The following BLTP1 variants were observed in gnomAD, a reference collection of about 807,000 sequenced individuals.
BLTP1 encodes the protein fragile site-associated protein.
the BLTP1 span, chr4:122,197,830 G>A: frequency 3.3e-6 from 1 of 305,478 alleles, no homozygotes; most frequent in Non-Finnish European, 4.8e-6. Flanking sequence ...TCATGCACTT[G>A]AAATATGGGC....
the BLTP1 span, chr4:122,229,777 C>T: frequency 1.0e-6 from 1 of 957,072 alleles, no homozygotes. Context: ...TTGTCCCTTT[C>T]CCATTTTTTC....
At chr4:122,279,292 T>A in the BLTP1 span, among the ~76,000 whole-genome samples, 1 of 152,164 alleles carries the variant, frequency 6.6e-6, no homozygotes, top group African/African-American at 2.4e-5. Flanking sequence ...GAAGATAAAA[T>A]TTTTCCTTGC....
the BLTP1 span, chr4:122,355,738 T>C: frequency 6.6e-7 from 1 of 1,512,766 alleles, no homozygotes; most frequent in Middle Eastern, 1.8e-4. Context: ...GAAAGCTATA[T>C]AGGCTTGTCA....
the BLTP1 span, chr4:122,271,130 A>G: frequency 1.2e-6 from 2 of 1,613,956 alleles, no homozygotes; most frequent in Non-Finnish European, 1.7e-6. Context: ...TCAGAACTCT[A>G]CCAGTGCCCT....
chr4:122,230,769 C>CTTCCCCATT, the BLTP1 span, among the ~76,000 whole-genome samples: 1 of 152,116 alleles, frequency 6.6e-6, no homozygotes, highest in Non-Finnish European at 1.5e-5. Context: ...CCATCCCCAT[C>CTTCCCCATT]TTCCCCATTG....
At chr4:122,291,541 A>G in the BLTP1 span, among the ~76,000 whole-genome samples, 9,802 of 152,290 alleles carry the variant, frequency 0.064, 888 homozygotes, top group African/African-American at 0.2. Context: ...TAATGTTCAT[A>G]ACAATCATCA....
the BLTP1 span, among the ~76,000 whole-genome samples, chr4:122,234,519 T>C: frequency 6.6e-6 from 1 of 152,150 alleles, no homozygotes; most frequent in African/African-American, 2.4e-5. Flanking sequence ...CTTTGGGCTT[T>C]TTAATGTATG....
the BLTP1 span, among the ~76,000 whole-genome samples, chr4:122,300,082 T>C: frequency 1.3e-5 from 2 of 152,182 alleles, no homozygotes; most frequent in South Asian, 4.1e-4. Context: ...CTCGGCTCAC[T>C]GCAACTTCTG....
chr4:122,348,730 G>T, the BLTP1 span: 2 of 1,512,622 alleles, frequency 1.3e-6, no homozygotes. Context: ...AAGCTATTCA[G>T]ATACAAAGGA....
At chr4:122,194,117 C>T in the BLTP1 span, among the ~76,000 whole-genome samples, 3,206 of 152,258 alleles carry the variant, frequency 0.021, 30 homozygotes, top group Non-Finnish European at 0.03. Context: ...CCGCTTCGGC[C>T]TCTCAAAGTG....
chr4:122,175,385 C>A, the BLTP1 span: 2 of 527,286 alleles, frequency 3.8e-6, no homozygotes, highest in Non-Finnish European at 4.8e-6. Context: ...AAGGAACATC[C>A]TTAAAAGTTT....
chr4:122,153,062 C>G, the BLTP1 span: 6 of 982,974 alleles, frequency 6.1e-6, no homozygotes, highest in Non-Finnish European at 7.2e-6. Flanking sequence ...GCTTGCTGCA[C>G]TGCACTCTAG....
the BLTP1 span, chr4:122,349,574 T>C: frequency 6.2e-7 from 1 of 1,612,130 alleles, no homozygotes; most frequent in South Asian, 1.1e-5. This position sits in a 1 kb window ranked among gnomAD's most constrained non-coding sequence, Gnocchi z 4.5. Context: ...GTAATGCTGA[T>C]CTTAAGCTTC....
chr4:122,249,566 C>T, the BLTP1 span: 1 of 1,613,714 alleles, frequency 6.2e-7, no homozygotes, highest in South Asian at 1.1e-5. Context: ...GATGAATTTA[C>T]TTTTGTGGAT....
At chr4:122,193,856 T>C in the BLTP1 span, 1 of 160,574 alleles carries the variant, frequency 6.2e-6, no homozygotes, top group Non-Finnish European at 1.3e-5. Context: ...ATATATTTTG[T>C]CAAGTAGTAT....
chr4:122,168,193 T>C, the BLTP1 span, among the ~76,000 whole-genome samples: 1 of 152,268 alleles, frequency 6.6e-6, no homozygotes, highest in Non-Finnish European at 1.5e-5. Context: ...AAATATTGAT[T>C]GAAACTTGTT....
At chr4:122,205,856 T>G in the BLTP1 span, 3 of 498,396 alleles carry the variant, frequency 6.0e-6, no homozygotes, top group Non-Finnish European at 7.8e-6. Context: ...TTATGTACTG[T>G]GAGTATACAA....
At chr4:122,330,269 G>A in the BLTP1 span, among the ~76,000 whole-genome samples, 5 of 151,746 alleles carry the variant, frequency 3.3e-5, no homozygotes, top group African/African-American at 9.7e-5. Flanking sequence ...GGATCATGTT[G>A]TAGTTCTACT....
the BLTP1 span, among the ~76,000 whole-genome samples, chr4:122,269,877 T>C: frequency 1.3e-5 from 2 of 152,140 alleles, no homozygotes; most frequent in Non-Finnish European, 1.5e-5. Context: ...ATTGTAACTT[T>C]GGCTCTGCAG....
Sources: gnomAD v4.1 joint callset for allele counts (sites outside exome capture counted in the v4.1 genomes callset) on GRCh38, gnomAD v4.1.1 for gene constraint, Gnocchi (gnomAD v3.1) non-coding constraint, MANE v1.5 for transcripts, NCBI Gene and HGNC (gene_info 2026-07-23, HGNC 2026-07-21) for gene names.